Variants in CD82 observed in about 807,000 individuals in gnomAD.
The protein encoded by CD82 is CD82 molecule.
Under a neutral mutation model 37.4 loss-of-function variants are expected in CD82, and 36 were observed. That is an observed-to-expected ratio of 0.96 (90% CI 0.74 to 1.27). The LOEUF is 1.27. Among genes scored for constraint, CD82 ranks in the 50% most tolerant of loss-of-function variants. The pLI is 0.00. For missense variants in CD82, 340 were observed against 347.0 expected (o/e 0.98, Z 0.16); for synonymous variants, 158 against 137.4 (o/e 1.15, Z -1.05).
chr11:44,600,677 G>A (rs1203089169), intron 4 of CD82, among the ~76,000 whole-genome samples: 1 of 152,204 alleles, frequency 6.6e-6, no homozygotes, highest in Admixed American at 6.5e-5. Flanking sequence ...CAGCACCTAC[G>A]TGGGTCAGGT....
At chr11:44,564,533 C>T (rs1339847379), upstream of CD82, 2 of 455,874 alleles carry the variant, frequency 4.4e-6, no homozygotes, top group Non-Finnish European at 8.8e-6. Context: ...CCTCTGGAGC[C>T]TGGGAGGGCA....
intron 6 of CD82, among the ~76,000 whole-genome samples, chr11:44,611,535 G>C (rs1853481735): frequency 1.3e-5 from 2 of 152,212 alleles, no homozygotes; most frequent in African/African-American, 4.8e-5. Context: ...CGAGGGAGTG[G>C]GGCCTCCTCA....
intron 3 of CD82, among the ~76,000 whole-genome samples, chr11:44,598,387 AT>A: frequency 9.2e-6 from 1 of 109,116 alleles, no homozygotes; most frequent in South Asian, 3.6e-4. Context: ...GTTATCATGG[AT>A]TTTTGGCCTT....
At chr11:44,594,996 G>A (rs1422000367) in intron 3 of CD82, 5 of 490,292 alleles carry the variant, frequency 1.0e-5, no homozygotes, top group Non-Finnish European at 1.9e-5. Context: ...GTGGGTATGG[G>A]GAAGGAGAGG....
chr11:44,605,799 C>A (rs902057570), intron 6 of CD82, among the ~76,000 whole-genome samples: 8 of 152,182 alleles, frequency 5.3e-5, no homozygotes, highest in African/African-American at 1.9e-4. Context: ...AAACACATAG[C>A]GCATGGCACC....
intron 4 of CD82, among the ~76,000 whole-genome samples, chr11:44,601,437 C>G (rs866913590): frequency 6.6e-6 from 1 of 152,234 alleles, no homozygotes; most frequent in Middle Eastern, 3.4e-3. Flanking sequence ...TACCCGTGCC[C>G]CCCACATTCT....
Position 44,597,563 on chromosome 11 carries a change from G to A in CD82, c.64-2595G>A, listed in dbSNP as rs773304781. Among the ~76,000 whole-genome samples the A allele has an allele frequency of 1.3e-4, 20 of 152,236 alleles. No individual in the cohort carries two copies. Among genetic ancestry groups the A allele is most frequent in the African/African-American group, 4.3e-4 (18 of 41,460 alleles). ...ACAGAGGGACTGAATGGGTAGCCCCGGGGACTTTGCTCTCTGGGTTCCTCT... is the reference window on the plus strand; with the variant it reads ...ACAGAGGGACTGAATGGGTAGCCCCAGGGACTTTGCTCTCTGGGTTCCTCT... On this transcript the variant is annotated intron_variant, in intron 3 of 9. Coordinates refer to ENST00000227155, the MANE Select transcript of CD82 (RefSeq NM_002231.4). The surrounding 1 kb of genome is among the most constrained non-coding windows in gnomAD (Gnocchi z 4.1).
chr11:44,569,818 G>A (rs11038063), intron 1 of CD82, among the ~76,000 whole-genome samples: 2,740 of 152,130 alleles, frequency 0.018, 89 homozygotes, highest in African/African-American at 0.063. Flanking sequence ...TTGAGATCTC[G>A]GCCCTGCCAA....
intron 1 of CD82, among the ~76,000 whole-genome samples, chr11:44,566,779 C>T (rs1260423991): frequency 6.6e-6 from 1 of 151,896 alleles, no homozygotes; most frequent in African/African-American, 2.4e-5. Context: ...GGCTTGCTTC[C>T]TATGGGGAAT....
intron 2 of CD82, among the ~76,000 whole-genome samples, chr11:44,589,771 C>T (rs1853112348): frequency 6.6e-6 from 1 of 152,208 alleles, no homozygotes; most frequent in Non-Finnish European, 1.5e-5. Context: ...TTCCTGCCAC[C>T]CAGCTGGCTG....
At chr11:44,616,458 GGGA>G (rs1240629467) in intron 7 of CD82, among the ~76,000 whole-genome samples, 10 of 152,180 alleles carry the variant, frequency 6.6e-5, no homozygotes, top group Non-Finnish European at 1.3e-4. Context: ...CAAGGGACCT[GGGA>G]GGAGAAGTGG....
At chr11:44,605,962 A>G (rs1303981979) in intron 6 of CD82, among the ~76,000 whole-genome samples, 1 of 152,390 alleles carries the variant, frequency 6.6e-6, no homozygotes. Flanking sequence ...TTTCAGAAAC[A>G]GAAAATCAGA....
chr11:44,602,357 G>A (rs1168384597), intron 4 of CD82, among the ~76,000 whole-genome samples: 1 of 152,190 alleles, frequency 6.6e-6, no homozygotes, highest in Non-Finnish European at 1.5e-5. Context: ...GTAATAGAGT[G>A]CACTTACTGT....
intron 1 of CD82, among the ~76,000 whole-genome samples, chr11:44,571,255 G>A (rs897334170): frequency 5.3e-5 from 8 of 152,212 alleles, no homozygotes; most frequent in African/African-American, 1.7e-4. Flanking sequence ...GGCAGCAAGT[G>A]TTCCAGAAGC....
chr11:44,609,698 G>A (rs1249091491), intron 6 of CD82, among the ~76,000 whole-genome samples: 2 of 152,194 alleles, frequency 1.3e-5, no homozygotes, highest in Non-Finnish European at 2.9e-5. Context: ...TCTGCTTGCT[G>A]AATTAGAACT....
At chr11:44,569,268 C>T (rs748109803) in intron 1 of CD82, among the ~76,000 whole-genome samples, 4 of 152,114 alleles carry the variant, frequency 2.6e-5, no homozygotes, top group African/African-American at 4.8e-5. Context: ...GGCAGACAAC[C>T]ACAGACCCGG....
At chr11:44,580,864 G>A (rs1015115263) in intron 1 of CD82, among the ~76,000 whole-genome samples, 23 of 152,216 alleles carry the variant, frequency 1.5e-4, no homozygotes, top group African/African-American at 5.3e-4. Context: ...AGGCTGCCTC[G>A]AGGATGTGGC....
chr11:44,594,797 T>C, intron 3 of CD82, 72 bp downstream of exon 3: 2 of 1,306,908 alleles, frequency 1.5e-6, no homozygotes, highest in Non-Finnish European at 2.2e-6. Flanking sequence ...AGCCTGAGCC[T>C]TTCCAGAGCC....
chr11:44,574,636 C>T lies in CD82; in HGVS notation c.-103+8900C>T, dbSNP rs544615175. On this transcript the variant is annotated intron_variant, in intron 1 of 9. Coordinates refer to ENST00000227155, the MANE Select transcript of CD82 (RefSeq NM_002231.4). ...TTTTGTGTGTGTGGAAAAATTCAGG[C>T]GGTAAAGAACAGACCTGCAGGAGGA... Among the ~76,000 whole-genome samples, 143 of 152,206 alleles carry T rather than the reference C, an allele frequency of 9.4e-4. 1 individual carries two copies. The highest frequency in any genetic ancestry group is 3.3e-3 in the African/African-American group (137 of 41,510).
Sources: gnomAD v4.1 joint callset for allele counts (sites outside exome capture counted in the v4.1 genomes callset) on GRCh38, gnomAD v4.1.1 for gene constraint, Gnocchi (gnomAD v3.1) non-coding constraint, MANE v1.5 for transcripts, NCBI Gene and HGNC (gene_info 2026-07-23, HGNC 2026-07-21) for gene names.